Variants in SNTG2 observed in about 807,000 individuals in gnomAD.
The protein encoded by SNTG2 is gamma-2-syntrophin.
SNTG2 carries 74 observed loss-of-function variants against 70.9 expected under a neutral mutation model. That is an observed-to-expected ratio of 1.04 (90% CI 0.86 to 1.27). The LOEUF is 1.27. Ranked by LOEUF, SNTG2 falls within the 50% of genes most tolerant of loss-of-function variation. The pLI, the probability that SNTG2 is intolerant of heterozygous loss-of-function variation, is 0.00. For synonymous variants in SNTG2, 278 were observed against 273.8 expected (o/e 1.02, Z -0.15); for missense variants, 717 against 690.7 (o/e 1.04, Z -0.43).
intron 8 of SNTG2, among the ~76,000 whole-genome samples, chr2:1,204,331 A>C (rs1673490845): frequency 6.6e-6 from 1 of 152,196 alleles, no homozygotes; most frequent in Non-Finnish European, 1.5e-5. Context: ...TACAAACAAA[A>C]AAAGTGCAAA....
chr2:1,283,317 G>A lies in SNTG2; in HGVS notation c.1284+15746G>A, dbSNP rs73908820. ...GCACACCCAGACCCCTGCCAATCCGGCTGCTTGGGACCGGGGTGCCCACCC... is the reference window on the plus strand; with the variant it reads ...GCACACCCAGACCCCTGCCAATCCGACTGCTTGGGACCGGGGTGCCCACCC... On this transcript the variant is annotated intron_variant, in intron 14 of 16. Transcript: ENST00000308624. Among the ~76,000 whole-genome samples, 583 of 152,256 alleles carry A rather than the reference G, an allele frequency of 3.8e-3. 3 individuals carry two copies. The highest frequency in any genetic ancestry group is 0.014 in the African/African-American group (567 of 41,560).
In SNTG2 at chr2:1,003,585, A is replaced by C. The variant is rs191250500; in HGVS notation, c.72+52517A>C. On this transcript the variant is annotated intron_variant, in intron 1 of 16. Transcript: ENST00000308624. ...CCAGGATTTCTGTACACATTTGGAC[A>C]GGCTTCCTTCCTTCTGTCTTACCTT... 3.4e-3 allele frequency among the ~76,000 whole-genome samples: 516 copies of C among 152,326 alleles called. 4 individuals are homozygous for C. Among genetic ancestry groups the C allele is most frequent in the African/African-American group, 0.011 (453 of 41,578 alleles).
intron 1 of SNTG2, among the ~76,000 whole-genome samples, chr2:956,524 C>A (rs141194441): frequency 6.6e-6 from 1 of 152,230 alleles, no homozygotes; most frequent in Non-Finnish European, 1.5e-5. Context: ...TCTCACCAGG[C>A]GCAGCACCTG....
intron 8 of SNTG2, among the ~76,000 whole-genome samples, chr2:1,184,693 G>A (rs1265827499): frequency 6.6e-6 from 1 of 152,114 alleles, no homozygotes; most frequent in Non-Finnish European, 1.5e-5. Flanking sequence ...ACTATTATAA[G>A]AATAGCAAGA....
intron 9 of SNTG2, among the ~76,000 whole-genome samples, chr2:1,233,186 A>G (rs1676376891): frequency 6.6e-6 from 1 of 152,224 alleles, no homozygotes; most frequent in Non-Finnish European, 1.5e-5. Context: ...TTTGACGAGC[A>G]ATTAAGAATT....
At chr2:1,290,471 C>T (rs1679946471) in intron 14 of SNTG2, among the ~76,000 whole-genome samples, 1 of 152,076 alleles carries the variant, frequency 6.6e-6, no homozygotes, top group African/African-American at 2.4e-5. Flanking sequence ...TGCACCACCA[C>T]ACCCAGCTAA....
chr2:996,858 A>G (rs1194388016), intron 1 of SNTG2, among the ~76,000 whole-genome samples: 1 of 151,920 alleles, frequency 6.6e-6, no homozygotes, highest in Non-Finnish European at 1.5e-5. Context: ...CTTCTGTTTC[A>G]TTGTTCATTT....
intron 1 of SNTG2, among the ~76,000 whole-genome samples, chr2:1,056,005 T>G (rs1662369302): frequency 6.6e-6 from 1 of 151,758 alleles, no homozygotes; most frequent in Admixed American, 6.6e-5. Context: ...GGACTGCAGC[T>G]TCATCTCTCA....
Position 1,353,213 on chromosome 2 carries a change from C to T in SNTG2, c.1489-14130C>T, listed in dbSNP as rs544952898. Among the ~76,000 whole-genome samples, 257 of 152,276 alleles carry T rather than the reference C, an allele frequency of 1.7e-3. 1 individual carries two copies. The highest frequency in any genetic ancestry group is 2.8e-3 in the Non-Finnish European group (189 of 68,022). ...CAGGCCCCCTCCATCCCCAGGACAGCCAGGTCACCTGTACACCACCTCCCG... is the reference window on the plus strand; with the variant it reads ...CAGGCCCCCTCCATCCCCAGGACAGTCAGGTCACCTGTACACCACCTCCCG... On this transcript the variant is annotated intron_variant, in intron 16 of 16. Transcript: ENST00000308624. The surrounding 1 kb of genome is among the most constrained non-coding windows in gnomAD (Gnocchi z 4.2).
intron 1 of SNTG2, among the ~76,000 whole-genome samples, chr2:1,026,551 T>C (rs1192963301): frequency 1.3e-5 from 2 of 152,210 alleles, no homozygotes; most frequent in African/African-American, 4.8e-5. Context: ...TTGTACGGGC[T>C]AGAGTTTTGA....
At chr2:1,314,625 C>T (rs144639635) in intron 15 of SNTG2, among the ~76,000 whole-genome samples, 18 of 152,296 alleles carry the variant, frequency 1.2e-4, no homozygotes, top group Admixed American at 2.6e-4. Flanking sequence ...CTTCTGCTCG[C>T]GACAAGAATG....
chr2:1,161,846 G>T (rs1005487638), intron 6 of SNTG2, among the ~76,000 whole-genome samples: 13 of 152,074 alleles, frequency 8.5e-5, no homozygotes, highest in African/African-American at 3.1e-4. Context: ...AGGCCGAGGC[G>T]GGCGGATCAC....
chr2:1,284,085 G>C (rs183185586), intron 14 of SNTG2, among the ~76,000 whole-genome samples: 1 of 152,224 alleles, frequency 6.6e-6, no homozygotes, highest in Admixed American at 6.5e-5. Context: ...AATCTCCCCC[G>C]GAAAGATGCT....
At chr2:1,007,508 T>C (rs1188595295) in intron 1 of SNTG2, among the ~76,000 whole-genome samples, 1 of 152,198 alleles carries the variant, frequency 6.6e-6, no homozygotes, top group Non-Finnish European at 1.5e-5. Context: ...GTGTTACACA[T>C]TGTTGTGAAG....
At chr2:1,226,043 A>G (rs1484072461) in intron 9 of SNTG2, among the ~76,000 whole-genome samples, 2 of 152,360 alleles carry the variant, frequency 1.3e-5, no homozygotes, top group South Asian at 2.1e-4. Flanking sequence ...ATGTGATTAA[A>G]TGATAACTTT....
At chr2:1,142,704 TAAAC>T (rs1209873845) in intron 6 of SNTG2, among the ~76,000 whole-genome samples, 1 of 152,114 alleles carries the variant, frequency 6.6e-6, no homozygotes, top group Non-Finnish European at 1.5e-5. Flanking sequence ...CTCAAGTAAT[TAAAC>T]AAATTCAATC....
intron 1 of SNTG2, among the ~76,000 whole-genome samples, chr2:1,007,047 A>G (rs1159815467): frequency 1.3e-5 from 2 of 152,032 alleles, no homozygotes; most frequent in Admixed American, 6.6e-5. Flanking sequence ...AAATAAATAA[A>G]TAAATAAATA....
intron 1 of SNTG2, among the ~76,000 whole-genome samples, chr2:1,020,164 T>C (rs1288939721): frequency 1.3e-5 from 2 of 152,258 alleles, no homozygotes; most frequent in Non-Finnish European, 2.9e-5. Context: ...CACAAGCTGA[T>C]GATGAATAAA....
At chr2:1,228,953 A>T (rs553252477) in intron 9 of SNTG2, among the ~76,000 whole-genome samples, 1 of 151,588 alleles carries the variant, frequency 6.6e-6, no homozygotes, top group South Asian at 2.1e-4. Flanking sequence ...TACAGCTCTT[A>T]AGGCGGTGCG....
Sources: allele counts gnomAD v4.1 joint callset (sites outside exome capture counted in the v4.1 genomes callset), GRCh38; gene constraint gnomAD v4.1.1; non-coding constraint Gnocchi (gnomAD v3.1); transcripts MANE v1.5; gene names NCBI Gene and HGNC (gene_info 2026-07-23, HGNC 2026-07-21).